Variants in TSHZ2 observed in about 807,000 individuals in gnomAD.
TSHZ2 encodes the protein teashirt homolog 2.
TSHZ2 carries 21 observed loss-of-function variants against 74.4 expected under a neutral mutation model. The observed-to-expected ratio is 0.28, with a 90% CI of 0.20 to 0.41. TSHZ2 has a LOEUF of 0.41. Ranked by LOEUF, TSHZ2 falls within the 10% of genes least tolerant of loss-of-function variation. The pLI is 1.00. For synonymous variants in TSHZ2, 540 were observed against 515.3 expected (o/e 1.05, Z -0.65); for missense variants, 1,244 against 1,293.5 (o/e 0.96, Z 0.59).
At chr20:53,145,689 G>A (rs1286081190) in intron 1 of TSHZ2, among the ~76,000 whole-genome samples, 1 of 152,302 alleles carries the variant, frequency 6.6e-6, no homozygotes, top group East Asian at 1.9e-4. Context: ...TTGCTTGGAA[G>A]CTTCTAGGGG....
At position 53,140,257 on chromosome 20, in the gene TSHZ2, G is replaced by A. The variant is rs906945738; in HGVS notation, c.41-113242G>A. On this transcript the variant is annotated intron_variant, in intron 1 of 2. Transcript: ENST00000371497. The stretch of plus-strand genomic sequence containing the variant: ...TATAGCATTATATTTAAAAGATAGA[G>A]GGGCCAGGCACGGTGGCTCGCGCCT... Among the ~76,000 whole-genome samples, 6 of 152,082 alleles carry A rather than the reference G, an allele frequency of 3.9e-5. No individual in the cohort carries two copies. The East Asian group carries it at 9.7e-4, about 25-fold the overall frequency.
At chr20:53,415,782 A>ATG (rs1019654623) in intron 2 of TSHZ2, among the ~76,000 whole-genome samples, 1 of 34,282 alleles carries the variant, frequency 2.9e-5, no homozygotes, top group Non-Finnish European at 7.5e-5. Flanking sequence ...CTATAAATGT[A>ATG]TGTGTGTGTG....
At chr20:53,376,585 A>T (rs534219573) in intron 2 of TSHZ2, among the ~76,000 whole-genome samples, 10 of 152,320 alleles carry the variant, frequency 6.6e-5, no homozygotes, top group Middle Eastern at 3.4e-3. Context: ...AGGGTCTCTT[A>T]TGCAGTTGCT....
chr20:53,281,762 A>C (rs1012973286), intron 2 of TSHZ2, among the ~76,000 whole-genome samples: 2 of 152,196 alleles, frequency 1.3e-5, no homozygotes, highest in Non-Finnish European at 2.9e-5. Context: ...AAAGAAAGCC[A>C]AGCAAGTCCT....
chr20:53,219,076 G>A (rs1227218257), intron 1 of TSHZ2, among the ~76,000 whole-genome samples: 1 of 152,148 alleles, frequency 6.6e-6, no homozygotes, highest in Non-Finnish European at 1.5e-5. Context: ...AAACAGTTAG[G>A]TAAAAGAAGC....
chr20:53,409,968 T>G (rs1379148152), intron 2 of TSHZ2, among the ~76,000 whole-genome samples: 2 of 149,924 alleles, frequency 1.3e-5, no homozygotes, highest in Non-Finnish European at 3.0e-5. Context: ...TGTCTCAGCC[T>G]CTTGAGTACC....
intron 1 of TSHZ2, among the ~76,000 whole-genome samples, chr20:53,095,392 A>T (rs1003458483): frequency 2.6e-5 from 4 of 152,176 alleles, no homozygotes; most frequent in African/African-American, 2.4e-5. Flanking sequence ...GAGAAATGGG[A>T]TGTGCTGATA....
At chr20:53,242,742 G>A (rs559023404) in intron 1 of TSHZ2, among the ~76,000 whole-genome samples, 6 of 152,308 alleles carry the variant, frequency 3.9e-5, no homozygotes, top group African/African-American at 1.4e-4. Flanking sequence ...TGGGACCAGT[G>A]AGTAAAATCT....
At chr20:53,014,514 G>C (rs547953884) in intron 1 of TSHZ2, among the ~76,000 whole-genome samples, 1 of 152,260 alleles carries the variant, frequency 6.6e-6, no homozygotes, top group South Asian at 2.1e-4. Context: ...GGACCAGGTG[G>C]TGACTGGAGG....
chr20:53,093,041 T>C (rs1368214750), intron 1 of TSHZ2, among the ~76,000 whole-genome samples: 1 of 152,158 alleles, frequency 6.6e-6, no homozygotes, highest in African/African-American at 2.4e-5. Context: ...ACAGAAGAGA[T>C]GCATTTGACT....
intron 2 of TSHZ2, among the ~76,000 whole-genome samples, chr20:53,368,444 C>A (rs897913271): frequency 1.3e-5 from 2 of 152,258 alleles, no homozygotes; most frequent in Admixed American, 6.5e-5. Flanking sequence ...GCTGGGATTA[C>A]AGGTGCCTGC....
intron 2 of TSHZ2, among the ~76,000 whole-genome samples, chr20:53,307,982 G>A (rs529861260): frequency 2.6e-5 from 4 of 152,118 alleles, no homozygotes; most frequent in African/African-American, 9.7e-5. Context: ...TCTCTCACTG[G>A]ACAGAGAAGG....
intron 1 of TSHZ2, among the ~76,000 whole-genome samples, chr20:53,113,021 A>G (rs1376910792): frequency 6.6e-6 from 1 of 152,246 alleles, no homozygotes; most frequent in African/African-American, 2.4e-5. Flanking sequence ...TTCAAATTCC[A>G]GATTTATGCA....
chr20:53,271,963 T>C (rs991847311), intron 2 of TSHZ2, among the ~76,000 whole-genome samples: 7 of 152,250 alleles, frequency 4.6e-5, no homozygotes, highest in Admixed American at 2.0e-4. Context: ...TATTGGAGCA[T>C]TGTTTCCATG....
intron 1 of TSHZ2, among the ~76,000 whole-genome samples, chr20:53,048,027 T>A (rs1213914155): frequency 2.6e-5 from 4 of 152,174 alleles, no homozygotes; most frequent in Admixed American, 1.3e-4. Context: ...GGCGATCCCA[T>A]CTCAGGCCTG....
rs114286899 is a variant in TSHZ2 at position 53,032,638 on chromosome 20, C to A, written c.40+59305C>A. ...ATTGTCAAAGCATTTGGGGGTCAGA[C>A]CCCGGGGAAAAATCATTTCTCATTG... On this transcript the variant is annotated intron_variant, in intron 1 of 2. Transcript: ENST00000371497. Among the ~76,000 whole-genome samples the A allele has an allele frequency of 2.7e-3, 415 of 152,176 alleles. 2 individuals are homozygous for A. The highest frequency in any genetic ancestry group is 9.4e-3 in the African/African-American group (392 of 41,522).
chr20:53,374,461 T>C (rs902438221), intron 2 of TSHZ2, among the ~76,000 whole-genome samples: 7 of 152,230 alleles, frequency 4.6e-5, no homozygotes, highest in Non-Finnish European at 7.3e-5. Flanking sequence ...TATGTGTGTA[T>C]GTGTCTTTAT....
chr20:53,204,690 T>C (rs931811808), intron 1 of TSHZ2, among the ~76,000 whole-genome samples: 48 of 152,104 alleles, frequency 3.2e-4, no homozygotes, highest in African/African-American at 8.0e-4. Flanking sequence ...ATGAAGTTTT[T>C]TGTGCTTTCT....
intron 1 of TSHZ2, among the ~76,000 whole-genome samples, chr20:53,244,902 T>A (rs1458909718): frequency 6.6e-6 from 1 of 152,220 alleles, no homozygotes; most frequent in East Asian, 1.9e-4. Flanking sequence ...TGGAGGAAGC[T>A]CTTTTCTTAT....
Sources: allele counts gnomAD v4.1 joint callset (sites outside exome capture counted in the v4.1 genomes callset), GRCh38; gene constraint gnomAD v4.1.1; transcripts MANE v1.5; gene names NCBI Gene and HGNC (gene_info 2026-07-23, HGNC 2026-07-21).